CHN2: variants seen among roughly 807,000 people sequenced by gnomAD.
CHN2 encodes the protein chimerin 2.
In CHN2, 35 loss-of-function variants were observed where a neutral mutation model predicts 56.3. The ratio of observed to expected loss-of-function variants is 0.62; its 90% CI spans 0.47 to 0.82. The LOEUF (loss-of-function observed/expected upper bound fraction) is 0.82. Ranked by LOEUF, CHN2 falls within the 40% of genes least tolerant of loss-of-function variation. The pLI, the probability that CHN2 is intolerant of heterozygous loss-of-function variation, is 0.00. For missense variants in CHN2, 491 were observed against 580.5 expected (o/e 0.85, Z 1.58); for synonymous variants, 210 against 212.8 (o/e 0.99, Z 0.12).
At chr7:29,471,659 G>C (rs1786054130) in intron 6 of CHN2, among the ~76,000 whole-genome samples, 1 of 152,158 alleles carries the variant, frequency 6.6e-6, no homozygotes, top group Admixed American at 6.5e-5. Flanking sequence ...GTCGCCATCT[G>C]TCCCTGGAGA....
intron 3 of CHN2, among the ~76,000 whole-genome samples, chr7:29,386,010 C>A (rs1800886905): frequency 6.6e-6 from 1 of 152,154 alleles, no homozygotes; most frequent in African/African-American, 2.4e-5. Flanking sequence ...AAAGACTGAC[C>A]AGTGGACATT....
chr7:29,446,808 A>G (rs1784065656), intron 6 of CHN2, among the ~76,000 whole-genome samples: 1 of 152,230 alleles, frequency 6.6e-6, no homozygotes, highest in Admixed American at 6.5e-5. Flanking sequence ...GTTGACATTC[A>G]TACTGGGTCA....
rs1394952717 is a variant in CHN2 at position 29,384,339 on chromosome 7, G to A, written c.145-9340G>A. Among the ~76,000 whole-genome samples, 7 of 152,132 alleles carry A rather than the reference G, an allele frequency of 4.6e-5. No homozygotes were observed. The South Asian group carries it at 1.2e-3, about 27-fold the overall frequency. On this transcript the variant is annotated intron_variant, in intron 3 of 12. Transcript: ENST00000222792. ...TGGGCTTTGGAGTCAATTAGACCTTGGTTTGGATCTCATCTCCCTGCCTCT... is the reference window on the plus strand; with the variant it reads ...TGGGCTTTGGAGTCAATTAGACCTTAGTTTGGATCTCATCTCCCTGCCTCT...
In CHN2 at chr7:29,421,906, G is replaced by A. The variant is rs115317656; in HGVS notation, c.576+21078G>A. ...AAGGGACTTGAAGAAAGCAGACAGC[G>A]TTTCCTACTGAAATGCTGTCAGGCA... On this transcript the variant is annotated intron_variant, in intron 6 of 12. Coordinates refer to ENST00000222792, the MANE Select transcript of CHN2 (RefSeq NM_004067.4). Among the ~76,000 whole-genome samples, 358 of 152,252 alleles carry A rather than the reference G, an allele frequency of 2.4e-3. 1 individual carries two copies. Among genetic ancestry groups the A allele is most frequent in the African/African-American group, 8.0e-3 (334 of 41,556 alleles).
chr7:29,204,677 G>A (rs899837781), intron 1 of CHN2, among the ~76,000 whole-genome samples: 2 of 152,150 alleles, frequency 1.3e-5, no homozygotes, highest in African/African-American at 2.4e-5. Context: ...TAGGGTTGAA[G>A]GTACTCCCGG....
At chr7:29,459,763 C>A (rs1355150096) in intron 6 of CHN2, among the ~76,000 whole-genome samples, 1 of 152,158 alleles carries the variant, frequency 6.6e-6, no homozygotes, top group Non-Finnish European at 1.5e-5. Context: ...CCCTGCATGG[C>A]AGGCTCAGGT....
At chr7:29,264,146 G>A (rs1427165507) in intron 1 of CHN2, among the ~76,000 whole-genome samples, 5 of 146,282 alleles carry the variant, frequency 3.4e-5, no homozygotes, top group Non-Finnish European at 4.5e-5. Context: ...CCGCCACCCC[G>A]TCTGGGAGGT....
At chr7:29,160,412 C>A (rs984727539) in intron 2 of CHN2, among the ~76,000 whole-genome samples, 1 of 152,180 alleles carries the variant, frequency 6.6e-6, no homozygotes, top group African/African-American at 2.4e-5. Flanking sequence ...TTTGGTATCT[C>A]CTTTTAGTTT....
rs377434276 is a variant in CHN2, at chr7:29,512,570, T to C, written c.1242T>C (p.Thr414=). 3.2e-5 allele frequency: 51 copies of C among 1,612,010 alleles called. No individual in the cohort carries two copies. The highest frequency in any genetic ancestry group is 4.2e-5 in the Non-Finnish European group (49 of 1,179,332). The part of the protein sequence containing the change: ...RYLMIHLKKV[T]MNEKDNFMNA... ...CTATATGTTTGTTTTGCAGGGTTAC[T>C]ATGAATGAAAAAGACAATTTCATGA... is the stretch of plus-strand genomic sequence containing the variant. The change falls in exon 13 of 13, where the codon ACT becomes ACC. Residue 414 remains threonine, a synonymous_variant. Coordinates refer to ENST00000222792, the MANE Select transcript of CHN2 (RefSeq NM_004067.4).
intron 1 of CHN2, among the ~76,000 whole-genome samples, chr7:29,321,513 A>G (rs1795345275): frequency 6.6e-6 from 1 of 151,872 alleles, no homozygotes; most frequent in South Asian, 2.1e-4. Context: ...GAACTCCAGC[A>G]ATCTAATTTC....
chr7:29,195,880 G>T (rs557437641), intron 1 of CHN2, among the ~76,000 whole-genome samples: 1 of 152,196 alleles, frequency 6.6e-6, no homozygotes, highest in East Asian at 1.9e-4. Flanking sequence ...AGTATGACAG[G>T]TTTCTAATCA....
intron 2 of CHN2, among the ~76,000 whole-genome samples, chr7:29,189,087 A>T (rs1050030537): frequency 6.6e-6 from 1 of 151,800 alleles, no homozygotes; most frequent in Non-Finnish European, 1.5e-5. Flanking sequence ...AGTAGCTGAC[A>T]TTACAGGCGC....
intron 1 of CHN2, among the ~76,000 whole-genome samples, chr7:29,327,043 C>T (rs988990975): frequency 2.6e-5 from 4 of 152,140 alleles, no homozygotes; most frequent in African/African-American, 9.7e-5. Context: ...TATTAATCAC[C>T]TTGCTACATG....
At chr7:29,492,174 A>G (rs10264604) in intron 7 of CHN2, among the ~76,000 whole-genome samples, 3,469 of 152,280 alleles carry the variant, frequency 0.023, 124 homozygotes, top group African/African-American at 0.08. Context: ...TTGTCAGAGC[A>G]CTTTGATGAA....
chr7:29,232,095 G>T (rs891655171), intron 1 of CHN2, among the ~76,000 whole-genome samples: 2 of 152,062 alleles, frequency 1.3e-5, no homozygotes, highest in Non-Finnish European at 2.9e-5. Context: ...TGAGACCCTG[G>T]GCTATGGTTG....
At chr7:29,483,273 G>A (rs935365885) in intron 7 of CHN2, among the ~76,000 whole-genome samples, 3 of 152,100 alleles carry the variant, frequency 2.0e-5, no homozygotes, top group African/African-American at 4.8e-5. Flanking sequence ...TTGTCAAGAG[G>A]AATGAATAGA....
chr7:29,415,886 T>C (rs1260840361), intron 6 of CHN2, among the ~76,000 whole-genome samples: 2 of 152,220 alleles, frequency 1.3e-5, no homozygotes, highest in Admixed American at 6.5e-5. Context: ...GCCTTTTCCA[T>C]TTTTAAATGA....
intron 1 of CHN2, among the ~76,000 whole-genome samples, chr7:29,330,691 G>A (rs1796147678): frequency 6.6e-6 from 1 of 152,148 alleles, no homozygotes; most frequent in Non-Finnish European, 1.5e-5. Flanking sequence ...ATTATATGAA[G>A]AAAAGGAAAA....
At chr7:29,446,675 T>G (rs530918530) in intron 6 of CHN2, among the ~76,000 whole-genome samples, 2 of 152,274 alleles carry the variant, frequency 1.3e-5, no homozygotes, top group Admixed American at 6.5e-5. Flanking sequence ...TGGGTTACTG[T>G]TAGGGGTCTC....
Sources: gnomAD v4.1 joint callset for allele counts (sites outside exome capture counted in the v4.1 genomes callset) on GRCh38, gnomAD v4.1.1 for gene constraint, MANE v1.5 for transcripts, NCBI Gene and HGNC (gene_info 2026-07-23, HGNC 2026-07-21) for gene names.